The following SP1 variants were observed in gnomAD, a reference collection of about 807,000 sequenced individuals.
SP1 encodes the protein transcription factor Sp1.
Under a neutral mutation model 66.3 loss-of-function variants are expected in SP1, and 6 were observed. The ratio of observed to expected loss-of-function variants is 0.09; its 90% CI spans 0.05 to 0.18. The LOEUF is 0.18. Ranked by LOEUF, SP1 falls within the 10% of genes least tolerant of loss-of-function variation. The pLI is 1.00. For missense variants in SP1, 848 were observed against 964.5 expected (o/e 0.88, Z 1.60); for synonymous variants, 417 against 360.8 (o/e 1.16, Z -1.77).
chr12:53,383,583 C>G lies in SP1; in HGVS notation c.1636C>G (p.Pro546Ala). The G allele has an allele frequency of 6.2e-7, 1 of 1,612,856 alleles. No homozygotes were observed. Among genetic ancestry groups the G allele is most frequent in the Non-Finnish European group, 8.5e-7 (1 of 1,179,488 alleles). ...GGGTACTTCAGGAATCCAGGTGCACCCAATTCAAGGCCTGCCGTTGGCTAT... is the reference window on the plus strand; with the variant it reads ...GGGTACTTCAGGAATCCAGGTGCACGCAATTCAAGGCCTGCCGTTGGCTAT... ...ALGTSGIQVH[P>A]IQGLPLAIAN... Residue 546 changes from proline (P) to alanine (A), a missense_variant, in exon 3 of 6, where the codon CCA becomes GCA. Pro to Ala is a conservative substitution (Grantham distance 27). Coordinates refer to ENST00000327443, the MANE Select transcript of SP1 (RefSeq NM_138473.3).
intron 3 of SP1, among the ~76,000 whole-genome samples, chr12:53,385,605 A>AAT (rs1555196715): frequency 5.5e-5 from 8 of 145,332 alleles, no homozygotes; most frequent in Admixed American, 1.4e-4. Context: ...AAAAAAAAAA[A>AAT]AAATAAATAA....
chr12:53,384,585 C>A (rs1372859288), intron 3 of SP1, among the ~76,000 whole-genome samples: 13 of 152,218 alleles, frequency 8.5e-5, no homozygotes, highest in Non-Finnish European at 1.9e-4. Context: ...TGCACCCAGC[C>A]ACATTTTCTG....
chr12:53,397,359 C>G (rs1404204605), intron 3 of SP1, among the ~76,000 whole-genome samples: 1 of 151,948 alleles, frequency 6.6e-6, no homozygotes, highest in Admixed American at 6.6e-5. Context: ...TTACTCTCAG[C>G]TAATTCCTGT....
At chr12:53,388,547 A>C (rs1167113442) in intron 3 of SP1, among the ~76,000 whole-genome samples, 1 of 152,208 alleles carries the variant, frequency 6.6e-6, no homozygotes, top group Non-Finnish European at 1.5e-5. Flanking sequence ...TTGAAGATCC[A>C]AGTTTTCTCC....
chr12:53,407,817 T>G (rs1328522849), intron 4 of SP1, among the ~76,000 whole-genome samples: 3 of 150,834 alleles, frequency 2.0e-5, no homozygotes, highest in Non-Finnish European at 4.4e-5. Flanking sequence ...TTTGTATTTT[T>G]AGTAGAGACG....
chr12:53,382,369 C>G lies in SP1; in HGVS notation c.422C>G (p.Thr141Arg). 6.2e-7 allele frequency: 1 copy of G among 1,614,220 alleles called. No individual in the cohort carries two copies. Among genetic ancestry groups the G allele is most frequent in the Non-Finnish European group, 8.5e-7 (1 of 1,180,040 alleles). ...SNGSESSKNR[T>R]VSGGQYVVAA... ...GGCAGTGAGTCTTCCAAGAATCGCA[C>G]AGTCTCTGGTGGGCAGTATGTTGTG... The change falls in exon 3 of 6, where the codon ACA becomes AGA. Residue 141 changes from threonine (T) to arginine (R), a missense_variant. Around this residue, in one of 7 missense-constraint regions of SP1, gnomAD observed 606 missense variants for 589.9 expected, o/e 1.03. Transcript: ENST00000327443.
chr12:53,401,800 C>G (rs1323572825), intron 3 of SP1, among the ~76,000 whole-genome samples: 1 of 152,000 alleles, frequency 6.6e-6, no homozygotes, highest in East Asian at 1.9e-4. Flanking sequence ...TTCCAAGTAG[C>G]TAGGATTACA....
intron 3 of SP1, among the ~76,000 whole-genome samples, chr12:53,399,065 G>A (rs546606369): frequency 6.6e-6 from 1 of 152,246 alleles, no homozygotes; most frequent in Admixed American, 6.5e-5. Context: ...CATCTTTTCT[G>A]TGTAAGTAAA....
chr12:53,394,409 C>CTTTTTTT (rs59816754), intron 3 of SP1, among the ~76,000 whole-genome samples: 6 of 114,882 alleles, frequency 5.2e-5, no homozygotes, highest in Non-Finnish European at 8.5e-5. Context: ...TTAAAAGTAT[C>CTTTTTTT]TTTTTTTTTT....
intron 3 of SP1, among the ~76,000 whole-genome samples, chr12:53,404,960 A>G (rs534401389): frequency 6.6e-6 from 1 of 152,160 alleles, no homozygotes; most frequent in South Asian, 2.1e-4. Flanking sequence ...CAGCCTCCCG[A>G]ATAGCTAGGA....
rs1164391125 is a variant in SP1, at chr12:53,393,513, C to T, written c.1675+9891C>T. ...TTTCAGGCTGGTGTCGAACTCCTGA[C>T]CTCAGGTGATCTGCTCACCTCAGCC... On this transcript the variant is annotated intron_variant, in intron 3 of 5. Coordinates refer to ENST00000327443, the MANE Select transcript of SP1 (RefSeq NM_138473.3). Among the ~76,000 whole-genome samples, 4 of 151,556 alleles carry T rather than the reference C, an allele frequency of 2.6e-5. No homozygotes were observed. In the East Asian group the frequency reaches 5.8e-4, roughly 22 times the overall value.
chr12:53,394,309 A>C (rs1423784720), intron 3 of SP1, among the ~76,000 whole-genome samples: 1 of 142,546 alleles, frequency 7.0e-6, no homozygotes, highest in Non-Finnish European at 1.6e-5. Flanking sequence ...TTTGCCTTAA[A>C]GAAGATAAAA....
chr12:53,384,615 A>G (rs1938184836), intron 3 of SP1, among the ~76,000 whole-genome samples: 1 of 151,754 alleles, frequency 6.6e-6, no homozygotes. Context: ...TTTTTTTTCC[A>G]CACCCCTTTA....
At chr12:53,400,096 A>G (rs922155182) in intron 3 of SP1, among the ~76,000 whole-genome samples, 1 of 152,286 alleles carries the variant, frequency 6.6e-6, no homozygotes, top group East Asian at 1.9e-4. Flanking sequence ...GGATTGTGCA[A>G]CCATCACTAC....
chr12:53,410,793 A>G, intron 5 of SP1, 134 bp from the exon 6 acceptor site: 1 of 709,124 alleles, frequency 1.4e-6, no homozygotes, highest in Admixed American at 2.4e-5. Flanking sequence ...ACGCCCAGCC[A>G]CTTGAAGATT....
chr12:53,392,056 CTGAA>C (rs1938366880), intron 3 of SP1, among the ~76,000 whole-genome samples: 1 of 152,114 alleles, frequency 6.6e-6, no homozygotes, highest in African/African-American at 2.4e-5. Flanking sequence ...TTTTTGGACT[CTGAA>C]TGGCTTGTGG....
Position 53,413,288 on chromosome 12 carries a change from A to G in SP1, c.*2048A>G, listed in dbSNP as rs1938933188. 6.6e-6 allele frequency: 1 copy of G among 152,276 alleles called. No homozygotes were observed. Among genetic ancestry groups the G allele is most frequent in the Admixed American group, 6.5e-5 (1 of 15,276 alleles). 9.4% of individuals were successfully genotyped at this position (152,276 alleles called of 1,614,324 possible). A position where few individuals can be genotyped will look rare whatever the true frequency, so the allele number is the denominator to read the frequency against. On this transcript the variant is annotated 3_prime_UTR_variant, in exon 6 of 6. Transcript: ENST00000327443. ...ATTCTACTGTACTTTTTTAAAAAGA[A>G]ACTATTTTTGTGTTTGAAAGTGAAA...
At chr12:53,403,240 T>C (rs1938651999) in intron 3 of SP1, among the ~76,000 whole-genome samples, 1 of 152,188 alleles carries the variant, frequency 6.6e-6, no homozygotes, top group South Asian at 2.1e-4. Context: ...AGAAGTAAAA[T>C]CAAGAACCTG....
rs777059215 is a variant in SP1, at chr12:53,382,813, C to G, written c.866C>G (p.Ser289Cys). The change falls in exon 3 of 6, where the codon TCT becomes TGT. Residue 289 changes from serine to cysteine, a missense_variant. Ser to Cys is a moderately radical substitution (Grantham distance 112, BLOSUM62 -1). Transcript: ENST00000327443. ...TCTCAGGCAGTCACGATCAGCAGCT[C>G]TGGGTCCCAGGAGAGTGGCTCACAG... ...PSSQAVTISS[S>C]GSQESGSQPV... The G allele has an allele frequency of 6.8e-6, 11 of 1,614,214 alleles. No homozygotes were observed. The highest frequency in any genetic ancestry group is 2.2e-5 in the East Asian group (1 of 44,892).
Sources: gnomAD v4.1 joint callset for allele counts (sites outside exome capture counted in the v4.1 genomes callset) on GRCh38, gnomAD v4.1.1 for gene constraint, gnomAD v4.1.1 regional missense constraint, MANE v1.5 for transcripts, NCBI Gene and HGNC (gene_info 2026-07-23, HGNC 2026-07-21) for gene names.